The following AKR1C3 variants were observed in gnomAD, a reference collection of about 807,000 sequenced individuals.
AKR1C3 encodes the protein aldo-keto reductase family 1 member C3.
Under a neutral mutation model 43.6 loss-of-function variants are expected in AKR1C3, and 48 were observed. That is an observed-to-expected ratio of 1.10 (90% CI 0.87 to 1.40). AKR1C3 has a LOEUF of 1.40. Among genes scored for constraint, AKR1C3 ranks in the 40% most tolerant of loss-of-function variants. AKR1C3 has a pLI of 0.00. For missense variants in AKR1C3, 482 were observed against 391.2 expected (o/e 1.23, Z -1.96); for synonymous variants, 162 against 139.6 (o/e 1.16, Z -1.13).
intron 1 of AKR1C3, among the ~76,000 whole-genome samples, chr10:5,063,773 A>AAAAAAAAAAAAAAAAAAAAAAAAAAAAG (rs1838432958): frequency 1.4e-5 from 2 of 144,020 alleles, no homozygotes; most frequent in Non-Finnish European, 1.5e-5. Flanking sequence ...AGCAAAAAAA[A>AAAAAAAAAAAAAAAAAAAAAAAAAAAAG]AAAAAAAAAA....
rs4987103 is a variant in AKR1C3, at chr10:5,097,553, A to G, written c.369+3A>G. 4.3e-5 allele frequency: 69 copies of G among 1,613,332 alleles called. No individual in the cohort carries two copies. In the African/African-American group the frequency reaches 8.9e-4, roughly 21 times the overall value. On this transcript the variant is annotated splice_donor_region_variant and intron_variant, in intron 3 of 8. Coordinates refer to ENST00000380554, the MANE Select transcript of AKR1C3 (RefSeq NM_003739.6). ...TTCATTCTCCAATGTCTCTAAAGGT[A>G]TGCAGTTTGTATGAGCATAAAATTG...
At chr10:5,052,032 T>A (rs1339995001) in intron 1 of AKR1C3, among the ~76,000 whole-genome samples, 1 of 152,196 alleles carries the variant, frequency 6.6e-6, no homozygotes, top group Non-Finnish European at 1.5e-5. Context: ...AATGAAGCCG[T>A]GGACCCTCGC....
At chr10:5,077,644 C>T in intron 1 of AKR1C3, 1 of 1,056,888 alleles carries the variant, frequency 9.5e-7, no homozygotes, top group Non-Finnish European at 1.1e-6. Flanking sequence ...TTGGTTTTTG[C>T]TGAACATTCC....
intron 3 of AKR1C3, chr10:5,097,829 G>T: frequency 2.6e-6 from 3 of 1,172,466 alleles, no homozygotes; most frequent in Non-Finnish European, 3.2e-6. Context: ...CTTAGTTGTG[G>T]CTTTTGAGTC....
chr10:5,091,499 C>T (rs74550949), upstream of AKR1C3, among the ~76,000 whole-genome samples: 1 of 152,200 alleles, frequency 6.6e-6, no homozygotes, highest in East Asian at 1.9e-4. Flanking sequence ...TTTTGTCCTT[C>T]ATATCCTCAT....
At chr10:5,089,922 T>G (rs912103807), upstream of AKR1C3, among the ~76,000 whole-genome samples, 1 of 152,180 alleles carries the variant, frequency 6.6e-6, no homozygotes, top group Non-Finnish European at 1.5e-5. Context: ...TTTTGCTTTA[T>G]ACCTCTGCCC....
chr10:5,087,196 T>G (rs1838986126), intron 1 of AKR1C3, among the ~76,000 whole-genome samples: 1 of 152,198 alleles, frequency 6.6e-6, no homozygotes, highest in Non-Finnish European at 1.5e-5. Flanking sequence ...GTTTTTGCAG[T>G]GGCTGGTACC....
At chr10:5,106,996 TTGG>T (rs781852782) in intron 8 of AKR1C3, among the ~76,000 whole-genome samples, 2 of 152,004 alleles carry the variant, frequency 1.3e-5, no homozygotes, top group African/African-American at 4.8e-5. Context: ...ATGTAATAAG[TTGG>T]TGTTTATCTG....
At chr10:5,092,033 T>G (rs545590617), upstream of AKR1C3, among the ~76,000 whole-genome samples, 1 of 151,028 alleles carries the variant, frequency 6.6e-6, no homozygotes, top group East Asian at 2.0e-4. Context: ...TTAATAACTT[T>G]CTAATTAAAA....
chr10:5,085,195 T>C (rs536003132), intron 1 of AKR1C3, among the ~76,000 whole-genome samples: 181 of 152,172 alleles, frequency 1.2e-3, no homozygotes, highest in Non-Finnish European at 1.9e-3. Context: ...CCATTCAGTA[T>C]GATATTAGCT....
rs781946721 is a variant in AKR1C3 at position 5,096,526 on chromosome 10, C to G, written c.201C>G (p.Ser67Arg). ...AGCAGGTTGGACTGGCCATCCGAAGCAAGATTGCAGATGGCAGTGTGAAGA... is the reference window on the plus strand; with the variant it reads ...AGCAGGTTGGACTGGCCATCCGAAGGAAGATTGCAGATGGCAGTGTGAAGA... ...NEEQVGLAIR[S>R]KIADGSVKRE... Residue 67 changes from serine to arginine, a missense_variant, in exon 2 of 9, where the codon AGC (serine) becomes AGG (arginine). By Grantham distance (110) the Ser-to-Arg change is moderately radical. Coordinates refer to ENST00000380554, the MANE Select transcript of AKR1C3 (RefSeq NM_003739.6). 1.2e-6 allele frequency: 2 copies of G among 1,613,784 alleles called. No homozygotes were observed. The highest frequency in any genetic ancestry group is 1.7e-5 in the Admixed American group (1 of 59,990).
chr10:5,107,391 T>C lies in AKR1C3; in HGVS notation c.930-70T>C, dbSNP rs186687930. 7 of 1,136,510 alleles carry C rather than the reference T, an allele frequency of 6.2e-6. No individual in the cohort carries two copies. In the Admixed American group the frequency reaches 9.1e-5, roughly 15 times the overall value. 70.4% of individuals were successfully genotyped at this position (1,136,510 alleles called of 1,614,324 possible). ...AACATTCATACTAATGACAGCTTCA[T>C]TGAAATCACTTTACTACTCCCCTAG... On this transcript the variant is annotated intron_variant, in intron 8 of 8. Transcript: ENST00000380554.
At chr10:5,051,879 G>T (rs1468141052) in intron 1 of AKR1C3, among the ~76,000 whole-genome samples, 1 of 152,200 alleles carries the variant, frequency 6.6e-6, no homozygotes, top group Admixed American at 6.5e-5. Flanking sequence ...CTCTTCTAAA[G>T]ATTCTTTACC....
intron 8 of AKR1C3, among the ~76,000 whole-genome samples, chr10:5,106,744 G>T (rs949819478): frequency 8.7e-5 from 12 of 137,832 alleles, no homozygotes; most frequent in African/African-American, 3.2e-4. Context: ...ACAGAGTGAG[G>T]CTCCATCTCA....
intron 1 of AKR1C3, among the ~76,000 whole-genome samples, chr10:5,094,921 TA>T (rs1839173360): frequency 6.6e-6 from 1 of 152,106 alleles, no homozygotes; most frequent in Non-Finnish European, 1.5e-5. Context: ...GAGAAATACT[TA>T]TAGCAAAAAT....
chr10:5,105,801 C>T, intron 8 of AKR1C3, 124 bp downstream of exon 8: 1 of 731,512 alleles, frequency 1.4e-6, no homozygotes, highest in Non-Finnish European at 2.3e-6. Flanking sequence ...GAGACTGGAA[C>T]TCTCCTGCTG....
chr10:5,082,094 G>C (rs1838849984), intron 1 of AKR1C3, among the ~76,000 whole-genome samples: 1 of 152,082 alleles, frequency 6.6e-6, no homozygotes, highest in African/African-American at 2.4e-5. Flanking sequence ...CTTAAATAGA[G>C]GGAGTTTTAC....
At position 5,105,669 on chromosome 10, in the gene AKR1C3, CAGTGAT is replaced by C; in HGVS notation, c.924_929del (p.Asp309_Ser310del). 6.2e-7 allele frequency: 1 copy of C among 1,611,946 alleles called. No individual in the cohort carries two copies. Among genetic ancestry groups the C allele is most frequent in the Non-Finnish European group, 8.5e-7 (1 of 1,178,274 alleles). ...TAGACAGAAATCTCCACTATTTTAACAGTGATAGGTAAGTTTCCTTTGTAAATGGGT... is the reference window on the plus strand; with the variant it reads ...TAGACAGAAATCTCCACTATTTTAACAGGTAAGTTTCCTTTGTAAATGGGT... On this transcript the variant is annotated inframe_deletion and splice_region_variant, in exon 8 of 9. Coordinates refer to ENST00000380554, the MANE Select transcript of AKR1C3 (RefSeq NM_003739.6).
chr10:5,066,456 G>A (rs1228483359), intron 1 of AKR1C3, among the ~76,000 whole-genome samples: 1 of 152,094 alleles, frequency 6.6e-6, no homozygotes, highest in Non-Finnish European at 1.5e-5. Flanking sequence ...GTGTCCTCAT[G>A]GTTGCACATT....
Sources: allele counts gnomAD v4.1 joint callset (sites outside exome capture counted in the v4.1 genomes callset), GRCh38; gene constraint gnomAD v4.1.1; transcripts MANE v1.5; gene names NCBI Gene and HGNC (gene_info 2026-07-23, HGNC 2026-07-21).